The following AKR1B1 variants were observed in gnomAD, a reference collection of about 807,000 sequenced individuals.
AKR1B1 encodes aldo-keto reductase family 1 member B.
A neutral mutation model predicts 40.4 loss-of-function variants in AKR1B1; 22 were observed. The observed-to-expected ratio is 0.54, with a 90% CI of 0.39 to 0.78. The LOEUF is 0.78. AKR1B1 is among the 30% of genes least tolerant of loss of function. The pLI, the probability that AKR1B1 is intolerant of heterozygous loss-of-function variation, is 0.00. For missense variants in AKR1B1, 357 were observed against 396.7 expected (o/e 0.90, Z 0.85); for synonymous variants, 157 against 149.9 (o/e 1.05, Z -0.35).
intron 2 of AKR1B1, 180 bp from the exon 3 acceptor site, chr7:134,451,082 A>T (rs1290339621): frequency 1.5e-5 from 10 of 679,588 alleles, no homozygotes; most frequent in Non-Finnish European, 2.7e-5. Context: ...CAGGATGACC[A>T]GGTCACAGAG....
intron 7 of AKR1B1, 34 bp from the exon 8 acceptor site, chr7:134,447,415 A>C (rs747721350): frequency 6.3e-7 from 1 of 1,578,740 alleles, no homozygotes; most frequent in African/African-American, 1.3e-5. Flanking sequence ...GTGTGTATAC[A>C]TGCCAGGCAC....
In AKR1B1 at chr7:134,442,717, C is replaced by T; in HGVS notation, c.*11G>A. On this transcript the variant is annotated 3_prime_UTR_variant, in exon 10 of 10. Coordinates refer to ENST00000285930, the MANE Select transcript of AKR1B1 (RefSeq NM_001628.4). ...TATAGGTCACTTGGGGACGAGCAGGCAACCACAGCTTCAAAACTCTTCATG... is the reference window on the plus strand; with the variant it reads ...TATAGGTCACTTGGGGACGAGCAGGTAACCACAGCTTCAAAACTCTTCATG... 6.2e-7 allele frequency: 1 copy of T among 1,613,980 alleles called. No individual in the cohort carries two copies. Among genetic ancestry groups the T allele is most frequent in the Non-Finnish European group, 8.5e-7 (1 of 1,179,884 alleles).
At chr7:134,445,467 T>C (rs1806065960) in intron 8 of AKR1B1, 147 bp from the exon 9 acceptor site, 1 of 726,042 alleles carries the variant, frequency 1.4e-6, no homozygotes, top group Non-Finnish European at 2.4e-6. Flanking sequence ...ATATTAGTAT[T>C]CAGGAAATGT....
intron 6 of AKR1B1, 26 bp from the exon 7 acceptor site, chr7:134,448,087 C>A: frequency 6.3e-7 from 1 of 1,585,866 alleles, no homozygotes; most frequent in South Asian, 1.1e-5. Flanking sequence ...CAGTCCAGGT[C>A]ACACCATCAT....
intron 1 of AKR1B1, among the ~76,000 whole-genome samples, chr7:134,456,510 T>TTTTA (rs1202233300): frequency 6.6e-6 from 1 of 151,222 alleles, no homozygotes; most frequent in Non-Finnish European, 1.5e-5. Context: ...CAGGGAAAGG[T>TTTTA]TTTAAGTCAT....
chr7:134,455,135 G>C (rs925296331), intron 1 of AKR1B1, among the ~76,000 whole-genome samples: 1 of 152,074 alleles, frequency 6.6e-6, no homozygotes, highest in Non-Finnish European at 1.5e-5. Flanking sequence ...GTCTTTCCTG[G>C]CACATTTTCT....
chr7:134,450,164 A>G (rs895687517), intron 3 of AKR1B1, among the ~76,000 whole-genome samples: 1 of 152,212 alleles, frequency 6.6e-6, no homozygotes, highest in Non-Finnish European at 1.5e-5. Context: ...AAATCAAAAG[A>G]TAAAAGTCAA....
intron 1 of AKR1B1, among the ~76,000 whole-genome samples, chr7:134,455,802 C>A (rs192253888): frequency 1.3e-5 from 2 of 152,064 alleles, no homozygotes; most frequent in African/African-American, 2.4e-5. Context: ...CAGCTGGTCT[C>A]GAACTCCTGA....
At chr7:134,448,274 G>T in intron 6 of AKR1B1, 113 bp downstream of exon 6, 1 of 1,037,444 alleles carries the variant, frequency 9.6e-7, no homozygotes, top group Non-Finnish European at 1.5e-6. Flanking sequence ...GAGGCTCAGG[G>T]GAAGTTTTGC....
chr7:134,451,601 G>A lies in AKR1B1; in HGVS notation c.219C>T (p.Leu73=), dbSNP rs1309161804. The change falls in exon 2 of 10, where the codon CTC becomes CTT. Residue 73 remains leucine, a synonymous_variant. Transcript: ENST00000285930. ...LREQVVKREE[L]FIVSKLWCTY... is the part of the protein sequence containing the mutation. Reference sequence around the variant, plus strand: ...GGAACGATACCTTGCTGACGATGAAGAGCTCCTCACGCTTCACCACCTGCT... The same window carrying A: ...GGAACGATACCTTGCTGACGATGAAAAGCTCCTCACGCTTCACCACCTGCT... 1.2e-6 allele frequency: 2 copies of A among 1,613,944 alleles called. No individual in the cohort carries two copies. Among genetic ancestry groups the A allele is most frequent in the Admixed American group, 1.7e-5 (1 of 59,998 alleles).
upstream of AKR1B1, chr7:134,459,227 C>T (rs547514803): frequency 4.7e-5 from 38 of 807,574 alleles, no homozygotes; most frequent in Middle Eastern, 7.2e-4. Flanking sequence ...GGCGGCCTTC[C>T]CCAAGGGTCG....
chr7:134,445,370 GAC>G (rs1200871253), intron 8 of AKR1B1, 50 bp from the exon 9 acceptor site: 1 of 1,484,816 alleles, frequency 6.7e-7, no homozygotes, highest in Admixed American at 1.9e-5. Context: ...AAAAATAAAA[GAC>G]AAAATACTGT....
At chr7:134,458,484 G>A (rs1806559620) in intron 1 of AKR1B1, among the ~76,000 whole-genome samples, 1 of 152,136 alleles carries the variant, frequency 6.6e-6, no homozygotes, top group Non-Finnish European at 1.5e-5. Flanking sequence ...CTCAGGGAGG[G>A]CAAGAATCGA....
At chr7:134,450,445 G>A (rs936995623) in intron 3 of AKR1B1, among the ~76,000 whole-genome samples, 16 of 152,308 alleles carry the variant, frequency 1.1e-4, no homozygotes, top group Admixed American at 8.5e-4. Context: ...GGAGGGCCAG[G>A]GCTGACCGTG....
At chr7:134,444,853 C>T (rs1806048940) in intron 9 of AKR1B1, 1 of 340,966 alleles carries the variant, frequency 2.9e-6, no homozygotes, top group Non-Finnish European at 5.7e-6. Flanking sequence ...GGCTCCCGAC[C>T]AAACCCCTTT....
At position 134,458,868 on chromosome 7, in the gene AKR1B1, GCGCGTGGCTCCCAGCACGCCGGGCGTC is replaced by G. The variant is rs566689846; in HGVS notation, c.66+102_66+128del. The G allele has an allele frequency of 2.7e-4, 299 of 1,102,854 alleles. 2 individuals carry two copies. The highest frequency in any genetic ancestry group is 1.4e-3 in the South Asian group (99 of 72,174). The allele number at this position is 1,102,854 out of a possible 1,614,324, so 68.3% of individuals were successfully genotyped here. On this transcript the variant is annotated intron_variant, in intron 1 of 9. Coordinates refer to ENST00000285930, the MANE Select transcript of AKR1B1 (RefSeq NM_001628.4). Reference sequence around the variant, plus strand: ...AGCCCGCTGGGGACCCTGCAAGCCCGCGCGTGGCTCCCAGCACGCCGGGCGTCCGCGGGGCGAGCTGCTCAGGGTCAC... The same window carrying G: ...AGCCCGCTGGGGACCCTGCAAGCCCGCGCGGGGCGAGCTGCTCAGGGTCAC...
chr7:134,449,268 A>C (rs1036111927), intron 4 of AKR1B1, 149 bp from the exon 5 acceptor site: 1 of 1,189,550 alleles, frequency 8.4e-7, no homozygotes, highest in South Asian at 1.2e-5. Flanking sequence ...GTGAGACGAA[A>C]GCCAGGCTGG....
At chr7:134,453,959 A>G (rs1806382581) in intron 1 of AKR1B1, among the ~76,000 whole-genome samples, 1 of 152,152 alleles carries the variant, frequency 6.6e-6, no homozygotes, top group African/African-American at 2.4e-5. Flanking sequence ...GGATGACAAC[A>G]TCTCCCCATT....
chr7:134,450,697 C>T, intron 3 of AKR1B1, 89 bp downstream of exon 3: 1 of 970,526 alleles, frequency 1.0e-6, no homozygotes, highest in Non-Finnish European at 1.7e-6. Context: ...CAGAAAGTCA[C>T]CCACACGTAA....
Sources: allele counts gnomAD v4.1 joint callset (sites outside exome capture counted in the v4.1 genomes callset), GRCh38; gene constraint gnomAD v4.1.1; transcripts MANE v1.5; gene names NCBI Gene and HGNC (gene_info 2026-07-23, HGNC 2026-07-21).